STXBP5: variants seen among roughly 807,000 people sequenced by gnomAD.
STXBP5 encodes the protein syntaxin-binding protein 5.
Under a neutral mutation model 152.4 loss-of-function variants are expected in STXBP5, and 50 were observed. The observed-to-expected ratio is 0.33, with a 90% CI of 0.26 to 0.42. The LOEUF (loss-of-function observed/expected upper bound fraction) is 0.42, where lower values mean the gene tolerates loss of function less well. Ranked by LOEUF, STXBP5 falls within the 10% of genes least tolerant of loss-of-function variation. The pLI is 1.00. For synonymous variants in STXBP5, 492 were observed against 494.7 expected, an observed-to-expected ratio of 0.99 and a Z score of 0.07; for missense variants, 1,167 against 1,388.6, an observed-to-expected ratio of 0.84 and a Z score of 2.54.
At chr6:147,362,659 A>G (rs1389956672) in intron 23 of STXBP5, among the ~76,000 whole-genome samples, 1 of 152,194 alleles carries the variant, frequency 6.6e-6, no homozygotes, top group Non-Finnish European at 1.5e-5. Flanking sequence ...TGTCTATTAG[A>G]GATGCAATGC....
At position 147,310,251 on chromosome 6, in the gene STXBP5, A is replaced by G. The variant is rs1029246486; in HGVS notation, c.1072+13A>G. On this transcript the variant is annotated intron_variant, in intron 10 of 27. Coordinates refer to ENST00000321680, the MANE Select transcript of STXBP5 (RefSeq NM_001127715.4). ...CCATACCCAAATGGTAAGCTTTGCA[A>G]CTTTAAAGCTCATTCTCTATAGAGA... is the stretch of plus-strand genomic sequence containing the variant. The G allele has an allele frequency of 2.0e-6, 3 of 1,538,436 alleles. No homozygotes were observed. The highest frequency in any genetic ancestry group is 2.8e-5 in the African/African-American group (2 of 71,074).
At chr6:147,214,234 A>G (rs747182791) in intron 2 of STXBP5, among the ~76,000 whole-genome samples, 2 of 152,302 alleles carry the variant, frequency 1.3e-5, no homozygotes, top group Non-Finnish European at 2.9e-5. Context: ...GTATATCTGT[A>G]TTATCATTCT....
intron 7 of STXBP5, among the ~76,000 whole-genome samples, chr6:147,272,906 A>G (rs988553693): frequency 6.7e-6 from 1 of 150,276 alleles, no homozygotes; most frequent in African/African-American, 2.5e-5. Context: ...ACTCTACTCT[A>G]CTCTCCCCTG....
chr6:147,285,804 G>T (rs1382267844), intron 8 of STXBP5, among the ~76,000 whole-genome samples: 1 of 152,154 alleles, frequency 6.6e-6, no homozygotes, highest in Non-Finnish European at 1.5e-5. Flanking sequence ...TTTAGAATTT[G>T]TTCCAACCTC....
rs1411776574 is a variant in STXBP5, at chr6:147,245,474, C to T, written c.431+6204C>T. 2.0e-5 allele frequency among the ~76,000 whole-genome samples: 3 copies of T among 151,998 alleles called. No homozygotes were observed. The East Asian group carries it at 5.8e-4, about 29-fold the overall frequency. On this transcript the variant is annotated intron_variant, in intron 4 of 27. Coordinates refer to ENST00000321680, the MANE Select transcript of STXBP5 (RefSeq NM_001127715.4). ...AATTTTTATCACAGGGACAAATTTG[C>T]CGATAGTAGTAGCTACAGCATCTCA...
chr6:147,308,058 C>T (rs1383577815), intron 9 of STXBP5, among the ~76,000 whole-genome samples: 6 of 152,144 alleles, frequency 3.9e-5, no homozygotes, highest in African/African-American at 9.7e-5. Flanking sequence ...CAGCTGTTCT[C>T]GAAATATTAC....
chr6:147,223,532 A>G (rs146108832), intron 2 of STXBP5, among the ~76,000 whole-genome samples: 80 of 152,348 alleles, frequency 5.3e-4, no homozygotes, highest in African/African-American at 1.9e-3. Flanking sequence ...GATTATATGT[A>G]TATAAATAGA....
At chr6:147,292,466 A>G (rs998745258) in intron 9 of STXBP5, 21 of 225,556 alleles carry the variant, frequency 9.3e-5, no homozygotes, top group Admixed American at 3.0e-4. Flanking sequence ...ATGATAATGT[A>G]TGTAAAACAT....
At chr6:147,255,069 A>C (rs2115306106) in intron 4 of STXBP5, among the ~76,000 whole-genome samples, 1 of 152,344 alleles carries the variant, frequency 6.6e-6, no homozygotes, top group African/African-American at 2.4e-5. Flanking sequence ...AACCAACCCA[A>C]ATGCCTATCA....
chr6:147,339,046 T>C, intron 19 of STXBP5, 133 bp from the exon 20 acceptor site: 1 of 714,460 alleles, frequency 1.4e-6, no homozygotes, highest in Non-Finnish European at 2.3e-6. Flanking sequence ...ATACATGGCC[T>C]CTTCTTGTGG....
chr6:147,359,772 C>T (rs1429731718), intron 23 of STXBP5, among the ~76,000 whole-genome samples: 1 of 151,752 alleles, frequency 6.6e-6, no homozygotes, highest in East Asian at 1.9e-4. Context: ...CATCCATGTC[C>T]CTACAAAGGA....
chr6:147,312,577 T>C (rs7762087), intron 11 of STXBP5, among the ~76,000 whole-genome samples: 76,368 of 151,766 alleles, frequency 0.5, 19,496 homozygotes, highest in Middle Eastern at 0.58. Context: ...AAGACAGAGA[T>C]GCTGCAAAAC....
intron 22 of STXBP5, among the ~76,000 whole-genome samples, chr6:147,357,198 T>C (rs1475118501): frequency 6.6e-6 from 1 of 151,936 alleles, no homozygotes; most frequent in Non-Finnish European, 1.5e-5. Context: ...AGAGAAACTA[T>C]ATAGGTTGTA....
chr6:147,284,404 T>C (rs1259717725), intron 8 of STXBP5, among the ~76,000 whole-genome samples: 2 of 152,200 alleles, frequency 1.3e-5, no homozygotes, highest in Non-Finnish European at 2.9e-5. Context: ...ATTGAGCACC[T>C]CCTACCTACC....
chr6:147,307,536 G>T (rs1782154617), intron 9 of STXBP5, among the ~76,000 whole-genome samples: 1 of 151,800 alleles, frequency 6.6e-6, no homozygotes, highest in African/African-American at 2.4e-5. Context: ...TTTTATCATT[G>T]TATTTATGAC....
chr6:147,278,072 C>T lies in STXBP5; in HGVS notation c.715-9C>T, dbSNP rs755279398. 4 of 1,598,334 alleles carry T rather than the reference C, an allele frequency of 2.5e-6. No homozygotes were observed. The Admixed American group carries it at 5.2e-5, about 21-fold the overall frequency. On this transcript the variant is annotated splice_polypyrimidine_tract_variant and intron_variant, in intron 7 of 27. Coordinates refer to ENST00000321680, the MANE Select transcript of STXBP5 (RefSeq NM_001127715.4). The stretch of plus-strand genomic sequence containing the variant: ...GATTTTTTAAATGGTATTTTTCATC[C>T]TTCTATAGGCTATCCACTCTGTTGC...
At chr6:147,244,344 G>A (rs967045508) in intron 4 of STXBP5, among the ~76,000 whole-genome samples, 8 of 152,126 alleles carry the variant, frequency 5.3e-5, no homozygotes, top group Admixed American at 3.9e-4. Context: ...TCAGCCCTCC[G>A]ACTTTGGTCT....
intron 27 of STXBP5, 49 bp from the exon 28 acceptor site, chr6:147,384,662 GTTA>G (rs1192919420): frequency 6.5e-7 from 1 of 1,547,858 alleles, no homozygotes; most frequent in East Asian, 2.2e-5. Flanking sequence ...ACTTATAAAT[GTTA>G]TTGTTCCGGC....
At chr6:147,359,394 A>G in intron 23 of STXBP5, 71 bp downstream of exon 23, 1 of 1,524,860 alleles carries the variant, frequency 6.6e-7, no homozygotes, top group Non-Finnish European at 8.8e-7. Context: ...TTTGTTTTTC[A>G]TTCTTGAATT....
Sources: gnomAD v4.1 joint callset for allele counts (sites outside exome capture counted in the v4.1 genomes callset) on GRCh38, gnomAD v4.1.1 for gene constraint, MANE v1.5 for transcripts, NCBI Gene and HGNC (gene_info 2026-07-23, HGNC 2026-07-21) for gene names.